The following ATXN2 variants were observed in gnomAD, a reference collection of about 807,000 sequenced individuals.
The protein encoded by ATXN2 is ataxin-2.
ATXN2 carries 37 observed loss-of-function variants against 138.6 expected under a neutral mutation model. That is an observed-to-expected ratio of 0.27 (90% confidence interval 0.21 to 0.35). The LOEUF (loss-of-function observed/expected upper bound fraction) is 0.35. ATXN2 is among the 10% of genes least tolerant of loss of function. The pLI, the probability that ATXN2 is intolerant of heterozygous loss-of-function variation, is 1.00. For synonymous variants in ATXN2, 549 were observed against 543.7 expected (o/e 1.01, Z -0.13); for missense variants, 1,216 against 1,480.3 (o/e 0.82, Z 2.93).
At chr12:111,496,097 G>C (rs1338341160) in intron 14 of ATXN2, among the ~76,000 whole-genome samples, 1 of 151,958 alleles carries the variant, frequency 6.6e-6, no homozygotes, top group Non-Finnish European at 1.5e-5. Context: ...GAGGTTGCAG[G>C]TGAGCCAAGA....
intron 18 of ATXN2, among the ~76,000 whole-genome samples, chr12:111,484,319 T>C (rs534375584): frequency 6.6e-6 from 1 of 151,826 alleles, no homozygotes; most frequent in South Asian, 2.1e-4. Flanking sequence ...GGTCTCACTA[T>C]ATTGCCCATG....
At chr12:111,523,249 C>CA (rs1880290072) in intron 6 of ATXN2, among the ~76,000 whole-genome samples, 1 of 151,384 alleles carries the variant, frequency 6.6e-6, no homozygotes, top group Non-Finnish European at 1.5e-5. Flanking sequence ...AAAAAAAAAG[C>CA]AAATAGGATC....
chr12:111,554,590 A>G (rs1592895810), intron 2 of ATXN2, among the ~76,000 whole-genome samples: 2 of 152,324 alleles, frequency 1.3e-5, no homozygotes, highest in South Asian at 4.1e-4. Context: ...CAAACCAACT[A>G]ATGGTGTTTT....
chr12:111,464,574 T>C lies in ATXN2; in HGVS notation c.2896+88A>G, dbSNP rs191620091. ...TAATTTGACTGGCACAAGGAAAATA[T>C]TGTTCAACAAGTCTACTCCCTTAAC... is the stretch of plus-strand genomic sequence containing the variant. On this transcript the variant is annotated intron_variant, in intron 21 of 24. Transcript: ENST00000673436. The C allele has an allele frequency of 3.0e-4, 294 of 994,502 alleles. 3 individuals carry two copies. The Middle Eastern group carries it at 0.015, about 52-fold the overall frequency. 61.6% of individuals were successfully genotyped at this position (994,502 alleles called of 1,614,324 possible).
Position 111,485,932 on chromosome 12 carries a change from C to T in ATXN2, c.2305-67G>A, listed in dbSNP as rs373930102. The T allele has an allele frequency of 1.0e-4, 154 of 1,475,970 alleles. 1 individual carries two copies. The highest frequency in any genetic ancestry group is 7.4e-4 in the East Asian group (31 of 41,882). 91.4% of individuals were successfully genotyped at this position (1,475,970 alleles called of 1,614,324 possible). On this transcript the variant is annotated intron_variant, in intron 16 of 24. Transcript: ENST00000673436. ...ATGAACTATTATTGCAATTTAAAGACGGATTTTCCCAGTCTTTCTAATTTT... is the reference window on the plus strand; with the variant it reads ...ATGAACTATTATTGCAATTTAAAGATGGATTTTCCCAGTCTTTCTAATTTT...
chr12:111,545,082 C>T (rs1310401258), intron 5 of ATXN2, among the ~76,000 whole-genome samples: 2 of 151,718 alleles, frequency 1.3e-5, no homozygotes, highest in Non-Finnish European at 2.9e-5. Context: ...TGGCGTGAAC[C>T]CGGGAGGCGG....
intron 5 of ATXN2, among the ~76,000 whole-genome samples, chr12:111,534,402 T>TA (rs1881026884): frequency 6.6e-6 from 1 of 151,946 alleles, no homozygotes; most frequent in African/African-American, 2.4e-5. Flanking sequence ...ACCCCGTATA[T>TA]AAAAAATATA....
chr12:111,483,049 T>C (rs1877360682), intron 18 of ATXN2, among the ~76,000 whole-genome samples: 1 of 151,694 alleles, frequency 6.6e-6, no homozygotes, highest in Non-Finnish European at 1.5e-5. Context: ...TAGCTAGGTG[T>C]GGTGGTGTGC....
At position 111,598,220 on chromosome 12, in the gene ATXN2, G is replaced by A. The variant is rs552446698; in HGVS notation, c.251+564C>T. ...CGATCTTTCCCAGGACTCGGAGGGG[G>A]CGGGGAGAGAGCCCCGACAGACCCT... On this transcript the variant is annotated intron_variant, in intron 1 of 24. Coordinates refer to ENST00000673436, the MANE Select transcript of ATXN2 (RefSeq NM_001372574.1). The surrounding 1 kb of genome is among the most constrained non-coding windows in gnomAD (Gnocchi z 4.5). 28 of 1,049,730 alleles carry A rather than the reference G, an allele frequency of 2.7e-5. No homozygotes were observed. The African/African-American group carries it at 4.0e-4, about 15-fold the overall frequency. 65.0% of individuals were successfully genotyped at this position (1,049,730 alleles called of 1,614,324 possible).
intron 14 of ATXN2, among the ~76,000 whole-genome samples, chr12:111,507,407 G>C (rs930226963): frequency 3.3e-5 from 5 of 152,112 alleles, no homozygotes; most frequent in East Asian, 1.9e-4. Context: ...CGTCTGAGAA[G>C]TGAGAAGCCC....
intron 5 of ATXN2, among the ~76,000 whole-genome samples, chr12:111,530,852 G>A (rs1440734283): frequency 6.6e-6 from 1 of 152,106 alleles, no homozygotes; most frequent in Non-Finnish European, 1.5e-5. Context: ...TAGGCGGGGT[G>A]CAGTGGCTGA....
chr12:111,536,123 T>C (rs1881158033), intron 5 of ATXN2, among the ~76,000 whole-genome samples: 1 of 152,116 alleles, frequency 6.6e-6, no homozygotes, highest in African/African-American at 2.4e-5. Flanking sequence ...CACTGAAGAT[T>C]TTGAGCAAGG....
At chr12:111,580,786 G>C (rs1883954128) in intron 1 of ATXN2, among the ~76,000 whole-genome samples, 1 of 150,494 alleles carries the variant, frequency 6.6e-6, no homozygotes, top group South Asian at 2.1e-4. Context: ...AAGAAGGGAA[G>C]ACAGGAGGAG....
rs1346812599 is a variant in ATXN2 at position 111,576,137 on chromosome 12, T to TAACATAA, written c.252-20219_252-20218insTTATGTT. On this transcript the variant is annotated intron_variant, in intron 1 of 24. Coordinates refer to ENST00000673436, the MANE Select transcript of ATXN2 (RefSeq NM_001372574.1). ...TAACATAACATAACATAACATAACA[T>TAACATAA]CACACCAAACCAAACCAATAGTCTG... 5.5e-5 allele frequency among the ~76,000 whole-genome samples: 5 copies of TAACATAA among 90,746 alleles called. No individual in the cohort carries two copies. The Admixed American group carries it at 5.7e-4, about 10-fold the overall frequency. The allele number at this position is 90,746 out of a possible 152,430, so 59.5% of individuals were successfully genotyped here. A position where few individuals can be genotyped will look rare whatever the true frequency, so the allele number is the denominator to read the frequency against.
chr12:111,548,484 T>C (rs1428674775), intron 5 of ATXN2, among the ~76,000 whole-genome samples: 2 of 152,202 alleles, frequency 1.3e-5, no homozygotes, highest in African/African-American at 4.8e-5. Context: ...TTTTAGTTAA[T>C]ATTATCAACC....
At chr12:111,591,683 T>C (rs1371144442) in intron 1 of ATXN2, among the ~76,000 whole-genome samples, 15 of 152,018 alleles carry the variant, frequency 9.9e-5, no homozygotes, top group Admixed American at 8.5e-4. Context: ...ATCCTACAAA[T>C]ATTGCTTTGG....
At chr12:111,528,881 C>T (rs974867692) in intron 5 of ATXN2, among the ~76,000 whole-genome samples, 1 of 152,170 alleles carries the variant, frequency 6.6e-6, no homozygotes, top group African/African-American at 2.4e-5. Flanking sequence ...CCATTCTGCA[C>T]TATTAATAAT....
chr12:111,585,479 C>A (rs1884272807), intron 1 of ATXN2, among the ~76,000 whole-genome samples: 1 of 149,278 alleles, frequency 6.7e-6, no homozygotes, highest in Non-Finnish European at 1.5e-5. Flanking sequence ...TACCATTGCA[C>A]TCCAGCCTGG....
chr12:111,499,117 T>G (rs1878600399), intron 14 of ATXN2, among the ~76,000 whole-genome samples: 1 of 151,910 alleles, frequency 6.6e-6, no homozygotes, highest in Non-Finnish European at 1.5e-5. Flanking sequence ...AACATTAAAC[T>G]CCCAGGGACA....
Sources: allele counts gnomAD v4.1 joint callset (sites outside exome capture counted in the v4.1 genomes callset), GRCh38; gene constraint gnomAD v4.1.1; non-coding constraint Gnocchi (gnomAD v3.1); transcripts MANE v1.5; gene names NCBI Gene and HGNC (gene_info 2026-07-23, HGNC 2026-07-21).